Variants in RICTOR observed in about 807,000 individuals in gnomAD.
The protein encoded by RICTOR is rapamycin-insensitive companion of mTOR.
RICTOR carries 49 observed loss-of-function variants against 214.9 expected under a neutral mutation model. The observed-to-expected ratio is 0.23, with a 90% confidence interval of 0.18 to 0.29. The LOEUF (loss-of-function observed/expected upper bound fraction) is 0.29, where lower values mean the gene tolerates loss of function less well. Ranked by LOEUF, RICTOR falls within the 10% of genes least tolerant of loss-of-function variation. The pLI is 1.00. For synonymous variants in RICTOR, 717 were observed against 711.3 expected (o/e 1.01, Z -0.13); for missense variants, 1,625 against 2,047.0 (o/e 0.79, Z 3.98).
At chr5:38,991,371 C>T (rs1752762205) in intron 6 of RICTOR, among the ~76,000 whole-genome samples, 1 of 152,058 alleles carries the variant, frequency 6.6e-6, no homozygotes, top group South Asian at 2.1e-4. Flanking sequence ...GGGCCTAAAT[C>T]TTAAACAGTT....
chr5:39,049,843 T>G (rs1170366694), intron 2 of RICTOR, among the ~76,000 whole-genome samples: 1 of 152,016 alleles, frequency 6.6e-6, no homozygotes, highest in Non-Finnish European at 1.5e-5. Flanking sequence ...GAACTTGGCT[T>G]CTCAGGAAAA....
intron 2 of RICTOR, among the ~76,000 whole-genome samples, chr5:39,055,515 C>T (rs1758146311): frequency 6.7e-6 from 1 of 149,126 alleles, no homozygotes; most frequent in African/African-American, 2.5e-5. Flanking sequence ...GTGTTCTCCC[C>T]CCTAGACTAT....
intron 2 of RICTOR, among the ~76,000 whole-genome samples, chr5:39,035,860 G>A (rs571320044): frequency 1.4e-4 from 22 of 152,296 alleles, no homozygotes; most frequent in South Asian, 1.0e-3. Flanking sequence ...TGAAAGTGAC[G>A]GGGAGAATGG....
At chr5:39,055,242 C>T (rs938410035) in intron 2 of RICTOR, among the ~76,000 whole-genome samples, 6 of 151,994 alleles carry the variant, frequency 3.9e-5, no homozygotes, top group African/African-American at 1.5e-4. Context: ...ATCTCATATT[C>T]CCATACTCTC....
chr5:39,001,472 C>G (rs970794094), intron 5 of RICTOR, among the ~76,000 whole-genome samples: 2 of 152,022 alleles, frequency 1.3e-5, no homozygotes, highest in Admixed American at 1.3e-4. Context: ...AAGACTTAAA[C>G]ACGTATAAAG....
rs540221986 is a variant in RICTOR at position 39,036,391 on chromosome 5, G to T, written c.98-15255C>A. On this transcript the variant is annotated intron_variant, in intron 2 of 37. Transcript: ENST00000357387. Reference sequence around the variant, plus strand: ...CAAATTGTAAAGACCATCAGGGCTAGGAAGAAACTGCATCAACTAATGAGC... The same window carrying T: ...CAAATTGTAAAGACCATCAGGGCTATGAAGAAACTGCATCAACTAATGAGC... Among the ~76,000 whole-genome samples the T allele has an allele frequency of 6.8e-3, 1,039 of 152,260 alleles. 17 individuals are homozygous for T. The highest frequency in any genetic ancestry group is 0.024 in the African/African-American group (1,008 of 41,530).
intron 5 of RICTOR, 50 bp downstream of exon 5, chr5:39,002,485 A>G (rs748256941): frequency 7.3e-7 from 1 of 1,369,602 alleles, no homozygotes; most frequent in South Asian, 1.3e-5. Context: ...GGCATGCTAA[A>G]AACTCAACAC....
chr5:39,053,846 T>C (rs1234588228), intron 2 of RICTOR, among the ~76,000 whole-genome samples: 1 of 140,004 alleles, frequency 7.1e-6, no homozygotes, highest in Non-Finnish European at 1.5e-5. Flanking sequence ...TGAGCCGAGA[T>C]TGCGCCACTG....
intron 7 of RICTOR, among the ~76,000 whole-genome samples, chr5:38,982,839 T>TA (rs1407819569): frequency 2.0e-5 from 3 of 151,900 alleles, no homozygotes; most frequent in Non-Finnish European, 4.4e-5. Flanking sequence ...AGTTTATACA[T>TA]ACATATACAT....
In RICTOR at chr5:38,958,769, A is replaced by G. The variant is rs1318427150; in HGVS notation, c.2241T>C (p.Phe747=). ...RVLLRANVEF[F]NNWGIELLVT... Reference sequence around the variant, plus strand: ...CTAACAACTCAATTCCCCAATTATTAAAGAATTCAACATTAGCTCTCAATA... The same window carrying G: ...CTAACAACTCAATTCCCCAATTATTGAAGAATTCAACATTAGCTCTCAATA... The change falls in exon 23 of 38, where the codon TTT becomes TTC. Residue 747 remains phenylalanine (F), a synonymous_variant. Coordinates refer to ENST00000357387, the MANE Select transcript of RICTOR (RefSeq NM_152756.5). 6.2e-7 allele frequency: 1 copy of G among 1,610,806 alleles called. No homozygotes were observed. Among genetic ancestry groups the G allele is most frequent in the East Asian group, 2.2e-5 (1 of 44,762 alleles).
intron 3 of RICTOR, among the ~76,000 whole-genome samples, chr5:39,013,287 A>T (rs1031264986): frequency 6.6e-6 from 1 of 152,268 alleles, no homozygotes; most frequent in South Asian, 2.1e-4. Flanking sequence ...CTATTATACA[A>T]ATCTTATTTT....
At chr5:38,983,427 TC>T (rs1216433969) in intron 7 of RICTOR, among the ~76,000 whole-genome samples, 1 of 152,214 alleles carries the variant, frequency 6.6e-6, no homozygotes, top group African/African-American at 2.4e-5. Context: ...TAACACTGTC[TC>T]CTTTCCAATA....
At chr5:39,028,690 T>G (rs1756045918) in intron 2 of RICTOR, among the ~76,000 whole-genome samples, 1 of 152,184 alleles carries the variant, frequency 6.6e-6, no homozygotes, top group African/African-American at 2.4e-5. Flanking sequence ...CATCAACAGA[T>G]GGATAAACAA....
chr5:39,038,175 C>A (rs963396074), intron 2 of RICTOR, among the ~76,000 whole-genome samples: 4 of 152,138 alleles, frequency 2.6e-5, no homozygotes, highest in Non-Finnish European at 5.9e-5. Flanking sequence ...ATATGCAAAT[C>A]AATAAACGTA....
intron 7 of RICTOR, among the ~76,000 whole-genome samples, chr5:38,989,902 G>C (rs1309974455): frequency 6.6e-6 from 1 of 152,102 alleles, no homozygotes; most frequent in East Asian, 1.9e-4. Flanking sequence ...ACTGTTGGTG[G>C]GACTGTAAAT....
In RICTOR at chr5:39,009,137, G is replaced by T. The variant is rs376414119; in HGVS notation, c.196-5515C>A. 5.3e-5 allele frequency among the ~76,000 whole-genome samples: 8 copies of T among 152,112 alleles called. No homozygotes were observed. The East Asian group carries it at 1.3e-3, about 26-fold the overall frequency. On this transcript the variant is annotated intron_variant, in intron 3 of 37. Transcript: ENST00000357387. Reference sequence around the variant, plus strand: ...AAATTCTACAAATATACAAAGTCTTGTCCTTTAAAAGGTTGGTTTTTCCCC... The same window carrying T: ...AAATTCTACAAATATACAAAGTCTTTTCCTTTAAAAGGTTGGTTTTTCCCC...
Position 39,008,049 on chromosome 5 carries a change from G to T in RICTOR, c.196-4427C>A, listed in dbSNP as rs540926136. ...ATTATTTATAACATTAAAGAAATGG[G>T]AATAAAATGTTTATAAAGGAGGAAC... On this transcript the variant is annotated intron_variant, in intron 3 of 37. Transcript: ENST00000357387. 7.3e-5 allele frequency among the ~76,000 whole-genome samples: 11 copies of T among 151,464 alleles called. No individual in the cohort carries two copies. In the East Asian group the frequency reaches 2.1e-3, roughly 29 times the overall value.
Position 38,947,250 on chromosome 5 carries a change from ATG to A in RICTOR, c.4314+12_4314+13del, listed in dbSNP as rs757922392. 2.2e-5 allele frequency: 34 copies of A among 1,579,712 alleles called. No individual in the cohort carries two copies. Among genetic ancestry groups the A allele is most frequent in the Non-Finnish European group, 2.9e-5 (33 of 1,156,250 alleles). ...AACCAACTCATAGGAAAACAATAAAATGTATGATAATACCTGGAATATATCAT... is the reference window on the plus strand; with the variant it reads ...AACCAACTCATAGGAAAACAATAAAATATGATAATACCTGGAATATATCAT... On this transcript the variant is annotated intron_variant, in intron 32 of 37. Transcript: ENST00000357387.
intron 10 of RICTOR, among the ~76,000 whole-genome samples, chr5:38,972,460 A>G (rs1750865795): frequency 6.6e-6 from 1 of 152,254 alleles, no homozygotes; most frequent in Non-Finnish European, 1.5e-5. Flanking sequence ...AACATATTAA[A>G]ATCATGTCAC....
Sources: allele counts gnomAD v4.1 joint callset (sites outside exome capture counted in the v4.1 genomes callset), GRCh38; gene constraint gnomAD v4.1.1; transcripts MANE v1.5; gene names NCBI Gene and HGNC (gene_info 2026-07-23, HGNC 2026-07-21).